EFR3A: variants seen among roughly 807,000 people sequenced by gnomAD.
EFR3A encodes protein EFR3 homolog A.
Under a neutral mutation model 104.4 loss-of-function variants are expected in EFR3A, and 76 were observed. The ratio of observed to expected loss-of-function variants is 0.73; its 90% CI spans 0.60 to 0.88. EFR3A has a LOEUF of 0.88. Ranked by LOEUF, EFR3A falls within the 40% of genes least tolerant of loss-of-function variation. The pLI is 0.00. For synonymous variants in EFR3A, 330 were observed against 330.0 expected (o/e 1.00, Z 0.00); for missense variants, 985 against 1,012.5 (o/e 0.97, Z 0.37).
intron 16 of EFR3A, among the ~76,000 whole-genome samples, chr8:131,985,695 A>G (rs1012674495): frequency 5.3e-5 from 8 of 152,204 alleles, no homozygotes; most frequent in African/African-American, 1.9e-4. Context: ...CCATTCATTA[A>G]TCAGACATTT....
Position 131,978,881 on chromosome 8 carries a change from C to A in EFR3A, c.1361C>A (p.Thr454Asn), listed in dbSNP as rs753101720. ...TSGYKAKTIV[T>N]ALPGSFLDPL... The stretch of plus-strand genomic sequence containing the variant: ...GGATATAAAGCGAAGACGATTGTTA[C>A]TGCACTGCCAGGGTCTTTCCTGGAT... The change falls in exon 13 of 23, where the codon ACT becomes AAT. Residue 454 changes from threonine (T) to asparagine (N), a missense_variant. Physicochemically the swap from Thr to Asn is moderately conservative, Grantham distance 65 (BLOSUM62 0). Transcript: ENST00000254624. 6.2e-7 allele frequency: 1 copy of A among 1,609,542 alleles called. No individual in the cohort carries two copies.
chr8:131,999,487 A>T (rs1393622690), intron 19 of EFR3A, among the ~76,000 whole-genome samples: 1 of 152,238 alleles, frequency 6.6e-6, no homozygotes, highest in Non-Finnish European at 1.5e-5. Flanking sequence ...TAGATAAAGC[A>T]AAAGTCATAG....
chr8:131,919,519 T>C (rs778179940), intron 1 of EFR3A, among the ~76,000 whole-genome samples: 4 of 144,856 alleles, frequency 2.8e-5, no homozygotes, highest in Non-Finnish European at 1.5e-5. Context: ...TGGCGTGAGC[T>C]CAGGAGGCGG....
At chr8:131,913,141 T>C (rs1023957055) in intron 1 of EFR3A, among the ~76,000 whole-genome samples, 1 of 151,432 alleles carries the variant, frequency 6.6e-6, no homozygotes, top group Non-Finnish European at 1.5e-5. Flanking sequence ...TGTTTTTTTT[T>C]TTTTTTTGAA....
At chr8:131,985,743 A>C (rs577523202) in intron 16 of EFR3A, among the ~76,000 whole-genome samples, 1 of 152,330 alleles carries the variant, frequency 6.6e-6, no homozygotes, top group African/African-American at 2.4e-5. Context: ...AGAAGTAAAT[A>C]CTACAAAAGC....
At chr8:131,932,406 A>G (rs1193488822) in intron 1 of EFR3A, among the ~76,000 whole-genome samples, 7 of 152,154 alleles carry the variant, frequency 4.6e-5, no homozygotes, top group Admixed American at 6.5e-5. Flanking sequence ...ACATTTAACA[A>G]TGTTCCTTGG....
intron 9 of EFR3A, among the ~76,000 whole-genome samples, chr8:131,970,095 T>TA (rs1217273469): frequency 1.3e-5 from 2 of 152,252 alleles, no homozygotes; most frequent in African/African-American, 2.4e-5. Flanking sequence ...CTGTGAGCTA[T>TA]ATTACATAAT....
intron 8 of EFR3A, among the ~76,000 whole-genome samples, chr8:131,961,273 G>A (rs200391535): frequency 2.6e-5 from 4 of 151,904 alleles, no homozygotes; most frequent in Admixed American, 2.0e-4. Flanking sequence ...GAGCTAAAGG[G>A]GGAAGTTCGA....
intron 18 of EFR3A, 93 bp from the exon 19 acceptor site, chr8:131,996,313 A>C (rs1821482055): frequency 1.3e-6 from 1 of 741,300 alleles, no homozygotes; most frequent in African/African-American, 1.8e-5. Context: ...GAATTTTTTG[A>C]CAGTTTTTGA....
intron 7 of EFR3A, among the ~76,000 whole-genome samples, chr8:131,957,068 A>G (rs1819037659): frequency 6.6e-6 from 1 of 152,190 alleles, no homozygotes. Context: ...TCTTTTCTAC[A>G]TAGAACTTAA....
chr8:131,989,100 T>G (rs1821035912), intron 18 of EFR3A, among the ~76,000 whole-genome samples: 1 of 152,182 alleles, frequency 6.6e-6, no homozygotes. Context: ...TCTACTTAAT[T>G]GTATAACTGC....
In EFR3A at chr8:131,981,054, A is replaced by G. The variant is rs547260051; in HGVS notation, c.1575+1633A>G. 7.8e-4 allele frequency among the ~76,000 whole-genome samples: 116 copies of G among 149,226 alleles called. 2 individuals carry two copies. The highest frequency in any genetic ancestry group is 2.8e-3 in the African/African-American group (113 of 39,982). On this transcript the variant is annotated intron_variant, in intron 14 of 22. Transcript: ENST00000254624. ...ATATATATATATATATACACACACTACATTTTCTTTATCCATTCATCTGTT... is the reference window on the plus strand; with the variant it reads ...ATATATATATATATATACACACACTGCATTTTCTTTATCCATTCATCTGTT...
chr8:131,950,045 G>T lies in EFR3A; in HGVS notation c.443G>T (p.Ser148Ile). Residue 148 changes from serine (S) to isoleucine (I), a missense_variant, in exon 5 of 23, where the codon AGT (serine) becomes ATT (isoleucine). Ser to Ile is a moderately radical substitution (Grantham distance 142). Coordinates refer to ENST00000254624, the MANE Select transcript of EFR3A (RefSeq NM_015137.6). ...RRYDFFVSRFSAMCHSCHSDP... is the reference protein window; with the variant it reads ...RRYDFFVSRFIAMCHSCHSDP... The stretch of plus-strand genomic sequence containing the variant: ...TATGACTTTTTTGTGTCTCGATTCA[G>T]TGCCATGTGCCATTCCTGTCATAGT... 1 of 1,610,098 alleles carries T rather than the reference G, an allele frequency of 6.2e-7. No homozygotes were observed. The highest frequency in any genetic ancestry group is 8.5e-7 in the Non-Finnish European group (1 of 1,178,086).
At chr8:131,946,383 G>T (rs571350315) in intron 3 of EFR3A, 100 bp from the exon 4 acceptor site, 73 of 1,152,958 alleles carry the variant, frequency 6.3e-5, no homozygotes, top group Admixed American at 1.2e-4. Flanking sequence ...TCTTTCTTTG[G>T]TGTATTTCAA....
intron 4 of EFR3A, 43 bp downstream of exon 4, chr8:131,946,676 A>G (rs754837762): frequency 2.8e-6 from 4 of 1,445,612 alleles, no homozygotes; most frequent in African/African-American, 1.5e-5. Context: ...CTTAATTAGC[A>G]TATCTAGAAT....
chr8:131,927,289 A>T (rs776622039), intron 1 of EFR3A, among the ~76,000 whole-genome samples: 1 of 152,190 alleles, frequency 6.6e-6, no homozygotes, highest in Non-Finnish European at 1.5e-5. Flanking sequence ...CCTATTCTTC[A>T]TACATGTTAG....
intron 1 of EFR3A, among the ~76,000 whole-genome samples, chr8:131,927,968 C>T (rs1027852716): frequency 3.3e-5 from 5 of 152,132 alleles, no homozygotes; most frequent in African/African-American, 7.2e-5. Flanking sequence ...CATGATTTTG[C>T]AAGCATTGAT....
At chr8:131,988,767 C>T (rs1299098659) in intron 18 of EFR3A, among the ~76,000 whole-genome samples, 1 of 152,052 alleles carries the variant, frequency 6.6e-6, no homozygotes, top group Non-Finnish European at 1.5e-5. Context: ...GTTTGGCCTG[C>T]CTTTTCCCTT....
intron 19 of EFR3A, 26 bp from the exon 20 acceptor site, chr8:132,001,733 C>G (rs543936986): frequency 2.5e-6 from 4 of 1,604,686 alleles, no homozygotes; most frequent in African/African-American, 2.7e-5. Flanking sequence ...TTTTAACTCT[C>G]GATTTCACTT....
Sources: gnomAD v4.1 joint callset for allele counts (sites outside exome capture counted in the v4.1 genomes callset) on GRCh38, gnomAD v4.1.1 for gene constraint, MANE v1.5 for transcripts, NCBI Gene and HGNC (gene_info 2026-07-23, HGNC 2026-07-21) for gene names.